Variants in CDKAL1 observed in about 807,000 individuals in gnomAD.
CDKAL1 encodes the protein CDKAL1 threonylcarbamoyladenosine tRNA methylthiotransferase.
A neutral mutation model predicts 68.2 loss-of-function variants in CDKAL1; 32 were observed. The ratio of observed to expected loss-of-function variants is 0.47; its 90% CI spans 0.35 to 0.63. The LOEUF (loss-of-function observed/expected upper bound fraction) is 0.63. Ranked by LOEUF, CDKAL1 falls within the 30% of genes least tolerant of loss-of-function variation. The probability of loss-of-function intolerance (pLI) is 0.00; values close to 1 mark genes in which losing one functional copy is unlikely to be tolerated. For missense variants in CDKAL1, 606 were observed against 696.7 expected, an observed-to-expected ratio of 0.87 and a Z score of 1.47; for synonymous variants, 234 against 244.3, an observed-to-expected ratio of 0.96 and a Z score of 0.39.
chr6:20,750,364 C>A (rs1211434267), intron 6 of CDKAL1, among the ~76,000 whole-genome samples: 1 of 152,134 alleles, frequency 6.6e-6, no homozygotes, highest in Admixed American at 6.5e-5. Context: ...ACTGTTATGT[C>A]CCCAGTTACT....
chr6:21,227,819 A>T (rs1002221580), intron 15 of CDKAL1, among the ~76,000 whole-genome samples: 1 of 152,264 alleles, frequency 6.6e-6, no homozygotes, highest in African/African-American at 2.4e-5. Context: ...TTCAGTAGGT[A>T]ACTTTATTTT....
chr6:20,622,300 G>T (rs1767229708), intron 4 of CDKAL1, among the ~76,000 whole-genome samples: 1 of 151,674 alleles, frequency 6.6e-6, no homozygotes, highest in Non-Finnish European at 1.5e-5. Context: ...CCTACCCCAA[G>T]GAAAAAATTC....
intron 5 of CDKAL1, among the ~76,000 whole-genome samples, chr6:20,702,145 G>T (rs1283332068): frequency 2.0e-5 from 3 of 152,124 alleles, no homozygotes; most frequent in East Asian, 3.9e-4. Flanking sequence ...AGGTTCCCTT[G>T]TCCCCCTCGC....
intron 13 of CDKAL1, among the ~76,000 whole-genome samples, chr6:21,157,290 T>C (rs563161709): frequency 6.6e-6 from 1 of 152,282 alleles, no homozygotes; most frequent in East Asian, 1.9e-4. Context: ...CCAGTAAATG[T>C]TACTTATTGT....
chr6:20,728,142 C>T lies in CDKAL1; in HGVS notation c.372-11377C>T, dbSNP rs74556031. Among the ~76,000 whole-genome samples, 1,430 of 152,174 alleles carry T rather than the reference C, an allele frequency of 9.4e-3. 16 individuals are homozygous for T. The highest frequency in any genetic ancestry group is 0.011 in the Non-Finnish European group (748 of 68,010). The stretch of plus-strand genomic sequence containing the variant: ...TATTAATGTACAAATAATGTCCTAA[C>T]CTTTTATTTAAGTGTTCATGTGTAT... On this transcript the variant is annotated intron_variant, in intron 5 of 15. Coordinates refer to ENST00000274695, the MANE Select transcript of CDKAL1 (RefSeq NM_017774.3).
intron 5 of CDKAL1, among the ~76,000 whole-genome samples, chr6:20,650,269 A>G (rs13209572): frequency 0.23 from 35,021 of 152,020 alleles, 4,385 homozygotes; most frequent in African/African-American, 0.3. Flanking sequence ...ACTGGCGTGA[A>G]ATGGTACCTC....
intron 8 of CDKAL1, among the ~76,000 whole-genome samples, chr6:20,805,166 G>A (rs938326488): frequency 6.6e-6 from 1 of 152,196 alleles, no homozygotes; most frequent in East Asian, 1.9e-4. Flanking sequence ...GAGAGGTAAA[G>A]CACAGGAAGC....
chr6:20,875,476 CTTATAAAATGTTTCA>C (rs1760464852), intron 9 of CDKAL1, among the ~76,000 whole-genome samples: 1 of 152,096 alleles, frequency 6.6e-6, no homozygotes, highest in Non-Finnish European at 1.5e-5. Flanking sequence ...GCTTCCCACT[CTTATAAAATGTTTCA>C]GTATGTACAG....
At chr6:20,969,937 CTT>C (rs1199129523) in intron 10 of CDKAL1, among the ~76,000 whole-genome samples, 4 of 139,860 alleles carry the variant, frequency 2.9e-5, no homozygotes, top group Non-Finnish European at 4.7e-5. Context: ...CATTCCCTGC[CTT>C]TTTTTTTTTT....
In CDKAL1 at chr6:21,010,642, T is replaced by G. The variant is rs560436199; in HGVS notation, c.1055+10270T>G. 2.6e-5 allele frequency among the ~76,000 whole-genome samples: 4 copies of G among 152,304 alleles called. No individual in the cohort carries two copies. The South Asian group carries it at 8.3e-4, about 32-fold the overall frequency. ...AAATCAGGAAGAAATCAAGGGAGCA[T>G]GTACAGTATGTGTACTTTTGAATGT... On this transcript the variant is annotated intron_variant, in intron 11 of 15. Transcript: ENST00000274695.
In CDKAL1 at chr6:21,107,017, G is replaced by A. The variant is rs191430656; in HGVS notation, c.1237-1384G>A. ...AGCTGCAGTGCAGTGGCACTATCTC[G>A]GCTCACTGCAAGCTCCGCCTCCCGG... On this transcript the variant is annotated intron_variant, in intron 12 of 15. Transcript: ENST00000274695. 1.1e-3 allele frequency among the ~76,000 whole-genome samples: 155 copies of A among 143,412 alleles called. 1 individual carries two copies. Among genetic ancestry groups the A allele is most frequent in the Admixed American group, 8.8e-3 (117 of 13,360 alleles). The allele number at this position is 143,412 out of a possible 152,430, so 94.1% of individuals were successfully genotyped here. A position where few individuals can be genotyped will look rare whatever the true frequency, so the allele number is the denominator to read the frequency against.
chr6:20,865,904 T>C (rs1372817163), intron 9 of CDKAL1, among the ~76,000 whole-genome samples: 2 of 152,154 alleles, frequency 1.3e-5, no homozygotes, highest in Non-Finnish European at 2.9e-5. Flanking sequence ...AACTGTGAAG[T>C]TTAATTTGAA....
intron 8 of CDKAL1, among the ~76,000 whole-genome samples, chr6:20,800,340 A>T (rs1205354960): frequency 6.6e-6 from 1 of 152,182 alleles, no homozygotes; most frequent in Non-Finnish European, 1.5e-5. Context: ...AACCCAGACA[A>T]ATTTATGACA....
At chr6:20,624,755 A>C (rs16884003) in intron 4 of CDKAL1, among the ~76,000 whole-genome samples, 1 of 152,016 alleles carries the variant, frequency 6.6e-6, no homozygotes, top group Non-Finnish European at 1.5e-5. Context: ...TTTTTTACAT[A>C]AGCTTCTGTA....
intron 4 of CDKAL1, among the ~76,000 whole-genome samples, chr6:20,591,856 T>C (rs907613078): frequency 6.6e-6 from 1 of 152,216 alleles, no homozygotes; most frequent in Admixed American, 6.5e-5. Context: ...CTATACGGGC[T>C]CTTTTTTGGT....
At chr6:21,062,091 C>T (rs557728265) in intron 11 of CDKAL1, among the ~76,000 whole-genome samples, 10 of 152,250 alleles carry the variant, frequency 6.6e-5, no homozygotes, top group Admixed American at 3.9e-4. Flanking sequence ...TGTTGCATAA[C>T]AGTGGGTTCA....
At chr6:21,090,805 CTTTTTTT>C (rs67647227) in intron 12 of CDKAL1, among the ~76,000 whole-genome samples, 1 of 132,608 alleles carries the variant, frequency 7.5e-6, no homozygotes, top group African/African-American at 2.8e-5. Context: ...TTTCTTTTTT[CTTTTTTT>C]TTTTTTTTTG....
chr6:20,654,515 T>C (rs191613944), intron 5 of CDKAL1, among the ~76,000 whole-genome samples: 5 of 152,292 alleles, frequency 3.3e-5, no homozygotes, highest in East Asian at 1.9e-4. Flanking sequence ...AAGAAGTCTT[T>C]TCTTACTCTG....
intron 10 of CDKAL1, among the ~76,000 whole-genome samples, chr6:20,977,806 A>G (rs1331853595): frequency 6.6e-6 from 1 of 152,200 alleles, no homozygotes; most frequent in East Asian, 1.9e-4. Flanking sequence ...TGAGCCCAGG[A>G]GGCGGAGGCT....
Sources: gnomAD v4.1 joint callset for allele counts (sites outside exome capture counted in the v4.1 genomes callset) on GRCh38, gnomAD v4.1.1 for gene constraint, MANE v1.5 for transcripts, NCBI Gene and HGNC (gene_info 2026-07-23, HGNC 2026-07-21) for gene names.